Variants in BCAS3 observed in about 807,000 individuals in gnomAD.
BCAS3 encodes BCAS4/BCAS3 fusion.
In BCAS3, 53 loss-of-function variants were observed where a neutral mutation model predicts 116.1. That is an observed-to-expected ratio of 0.46 (90% CI 0.37 to 0.57). The LOEUF (loss-of-function observed/expected upper bound fraction) is 0.57, where lower values mean the gene tolerates loss of function less well. BCAS3 is among the 20% of genes least tolerant of loss of function. BCAS3 has a pLI of 0.00. For missense variants in BCAS3, 917 were observed against 1,165.4 expected (o/e 0.79, Z 3.10); for synonymous variants, 391 against 408.2 (o/e 0.96, Z 0.51).
chr17:60,705,112 T>C (rs993120242), intron 4 of BCAS3, among the ~76,000 whole-genome samples: 2 of 152,048 alleles, frequency 1.3e-5, no homozygotes, highest in African/African-American at 4.8e-5. Context: ...GCCATCAATG[T>C]TACAGAAATA....
rs768295184 is a variant in BCAS3, at chr17:61,140,660, C to T, written c.2425+56096C>T. Among the ~76,000 whole-genome samples the T allele has an allele frequency of 4.4e-4, 67 of 151,106 alleles. No individual in the cohort carries two copies. Among genetic ancestry groups the T allele is most frequent in the South Asian group, 2.1e-4 (1 of 4,782 alleles). On this transcript the variant is annotated intron_variant, in intron 22 of 23. Transcript: ENST00000407086. This position sits in a 1 kb window ranked among gnomAD's most constrained non-coding sequence, Gnocchi z 4.2. ...ATGGCCTTTATATAACTTTGGAATG[C>T]AAAAGAAAAGAGAAAACTCTCTTTG... is the stretch of plus-strand genomic sequence containing the variant.
Position 61,258,456 on chromosome 17 carries a change from C to T in BCAS3, c.2426-109871C>T, listed in dbSNP as rs1043743171. Among the ~76,000 whole-genome samples the T allele has an allele frequency of 1.3e-5, 2 of 152,226 alleles. No individual in the cohort carries two copies. The highest frequency in any genetic ancestry group is 6.5e-5 in the Admixed American group (1 of 15,286). On this transcript the variant is annotated intron_variant, in intron 22 of 23. Coordinates refer to ENST00000407086, the MANE Select transcript of BCAS3 (RefSeq NM_017679.5). This position sits in a 1 kb window ranked among gnomAD's most constrained non-coding sequence, Gnocchi z 4.7. ...GAGTTGTGGGTCTGCCACTTCTTCA[C>T]TAGCTGTTGACCTTAGAAAAGTTGC...
intron 9 of BCAS3, among the ~76,000 whole-genome samples, chr17:60,880,032 T>A (rs57535720): frequency 0.12 from 18,417 of 152,042 alleles, 3,373 homozygotes; most frequent in African/African-American, 0.4. Flanking sequence ...GGTGCTGGAA[T>A]CATAGTGGAC....
intron 5 of BCAS3, among the ~76,000 whole-genome samples, chr17:60,730,859 G>A (rs2040388022): frequency 6.6e-6 from 1 of 152,136 alleles, no homozygotes; most frequent in African/African-American, 2.4e-5. Flanking sequence ...TCTATAAAAT[G>A]AAAATATATT....
intron 6 of BCAS3, among the ~76,000 whole-genome samples, chr17:60,781,262 G>A (rs2045807406): frequency 6.6e-6 from 1 of 151,418 alleles, no homozygotes; most frequent in Admixed American, 6.6e-5. Context: ...GAGCCGCTAC[G>A]CCCAGCTTTT....
Position 61,145,322 on chromosome 17 carries a change from G to A in BCAS3, c.2425+60758G>A, listed in dbSNP as rs1282188751. Among the ~76,000 whole-genome samples the A allele has an allele frequency of 1.3e-5, 2 of 152,164 alleles. No homozygotes were observed. The highest frequency in any genetic ancestry group is 2.9e-5 in the Non-Finnish European group (2 of 68,038). On this transcript the variant is annotated intron_variant, in intron 22 of 23. Transcript: ENST00000407086. This position sits in a 1 kb window ranked among gnomAD's most constrained non-coding sequence, Gnocchi z 5.0. Reference sequence around the variant, plus strand: ...ACAGTTCACATCCTGGGGCAGCAGCGGGGTCTGGCCTGCAGAAAGGAGCAG... The same window carrying A: ...ACAGTTCACATCCTGGGGCAGCAGCAGGGTCTGGCCTGCAGAAAGGAGCAG...
chr17:61,206,624 A>AC (rs1568573885), intron 22 of BCAS3, among the ~76,000 whole-genome samples: 1 of 151,650 alleles, frequency 6.6e-6, no homozygotes, highest in Non-Finnish European at 1.5e-5. Context: ...ACGTGGTGAA[A>AC]CCCCCGTCTC....
At chr17:60,892,616 GC>G (rs2057244109) in intron 10 of BCAS3, among the ~76,000 whole-genome samples, 1 of 150,558 alleles carries the variant, frequency 6.6e-6, no homozygotes. Context: ...GCCGTTTTTG[GC>G]TTTTTAAGAA....
At position 61,227,375 on chromosome 17, in the gene BCAS3, G is replaced by T. The variant is rs1319819781; in HGVS notation, c.2426-140952G>T. The stretch of plus-strand genomic sequence containing the variant: ...TAAGGTAATTCATTTGGCCTCTGTG[G>T]GTGGATGTTAATCACTAATGCTGTT... On this transcript the variant is annotated intron_variant, in intron 22 of 23. Coordinates refer to ENST00000407086, the MANE Select transcript of BCAS3 (RefSeq NM_017679.5). The surrounding 1 kb of genome is among the most constrained non-coding windows in gnomAD (Gnocchi z 6.1). 1.3e-5 allele frequency among the ~76,000 whole-genome samples: 2 copies of T among 152,182 alleles called. No homozygotes were observed. The highest frequency in any genetic ancestry group is 2.4e-5 in the African/African-American group (1 of 41,444).
chr17:61,047,613 C>T (rs776373649), intron 19 of BCAS3, among the ~76,000 whole-genome samples: 6 of 151,966 alleles, frequency 3.9e-5, no homozygotes, highest in African/African-American at 7.2e-5. Flanking sequence ...TACTATATTG[C>T]CTTCCAACAC....
intron 22 of BCAS3, chr17:61,135,849 C>A (rs1314044580): frequency 2.0e-5 from 3 of 152,246 alleles, no homozygotes; most frequent in Non-Finnish European, 4.4e-5. Flanking sequence ...AGAGACCGTG[C>A]GGCCTAAAGA....
intron 6 of BCAS3, among the ~76,000 whole-genome samples, chr17:60,766,513 A>C (rs1363715882): frequency 6.6e-6 from 1 of 152,156 alleles, no homozygotes; most frequent in Non-Finnish European, 1.5e-5. Context: ...CCTGGGTACC[A>C]CCAGCAGCAG....
rs181987213 is a variant in BCAS3 at position 60,747,864 on chromosome 17, A to G, written c.403+585A>G. 5.6e-3 allele frequency among the ~76,000 whole-genome samples: 857 copies of G among 152,174 alleles called. 4 individuals are homozygous for G. The highest frequency in any genetic ancestry group is 0.041 in the Middle Eastern group (12 of 294). On this transcript the variant is annotated intron_variant, in intron 6 of 23. Transcript: ENST00000407086. ...GAATACTTCTTAATGTTGTGTTTAAATAATATATATGTTTTATATTTATTT... is the reference window on the plus strand; with the variant it reads ...GAATACTTCTTAATGTTGTGTTTAAGTAATATATATGTTTTATATTTATTT...
Position 61,008,185 on chromosome 17 carries a change from T to C in BCAS3, c.1487-7566T>C, listed in dbSNP as rs1395074860. Among the ~76,000 whole-genome samples, 4 of 152,080 alleles carry C rather than the reference T, an allele frequency of 2.6e-5. No homozygotes were observed. Among genetic ancestry groups the C allele is most frequent in the African/African-American group, 9.7e-5 (4 of 41,424 alleles). Reference sequence around the variant, plus strand: ...TGTTTCTCACCAGGGTGCTGCTGTTTCCTTTTCCGACTTGAGTAGATTGCA... The same window carrying C: ...TGTTTCTCACCAGGGTGCTGCTGTTCCCTTTTCCGACTTGAGTAGATTGCA... On this transcript the variant is annotated intron_variant, in intron 15 of 23. Coordinates refer to ENST00000407086, the MANE Select transcript of BCAS3 (RefSeq NM_017679.5). This position sits in a 1 kb window ranked among gnomAD's most constrained non-coding sequence, Gnocchi z 4.6.
At chr17:61,061,624 C>T (rs2070048261) in intron 19 of BCAS3, among the ~76,000 whole-genome samples, 1 of 152,168 alleles carries the variant, frequency 6.6e-6, no homozygotes, top group Non-Finnish European at 1.5e-5. Context: ...ACAGTAGGTT[C>T]CATATATGCT....
chr17:60,714,730 C>G (rs528007192), intron 5 of BCAS3, among the ~76,000 whole-genome samples: 5 of 152,198 alleles, frequency 3.3e-5, no homozygotes, highest in South Asian at 4.1e-4. Flanking sequence ...AAAAAATTGT[C>G]TATTGAAGTG....
chr17:61,271,445 G>T (rs1358382285), intron 22 of BCAS3, among the ~76,000 whole-genome samples: 12 of 1,312 alleles, frequency 9.1e-3, no homozygotes, highest in East Asian at 0.031. Context: ...TTTGTCTTAG[G>T]TGGAGTCTCG....
chr17:60,905,219 A>T (rs1201746701), intron 11 of BCAS3, among the ~76,000 whole-genome samples: 2 of 152,212 alleles, frequency 1.3e-5, no homozygotes, highest in Non-Finnish European at 2.9e-5. Context: ...CACTTGGGAT[A>T]AGAATATATA....
intron 22 of BCAS3, among the ~76,000 whole-genome samples, chr17:61,271,359 C>T (rs2050233352): frequency 6.7e-6 from 1 of 149,658 alleles, no homozygotes; most frequent in Non-Finnish European, 1.5e-5. Context: ...AACTCCTGAC[C>T]TCGTGATCCG....
Sources: gnomAD v4.1 joint callset for allele counts (sites outside exome capture counted in the v4.1 genomes callset) on GRCh38, gnomAD v4.1.1 for gene constraint, Gnocchi (gnomAD v3.1) non-coding constraint, MANE v1.5 for transcripts, NCBI Gene and HGNC (gene_info 2026-07-23, HGNC 2026-07-21) for gene names.